The following NINL variants were observed in gnomAD, a reference collection of about 807,000 sequenced individuals.
NINL encodes the protein ninein-like protein.
In NINL, 153 loss-of-function variants were observed where a neutral mutation model predicts 160.3. That is an observed-to-expected ratio of 0.95 (90% CI 0.84 to 1.09). The LOEUF is 1.09. NINL is among the 50% of genes least tolerant of loss of function. The pLI is 0.00. For missense variants in NINL, 1,829 were observed against 1,764.0 expected, an observed-to-expected ratio of 1.04 and a Z score of -0.66; for synonymous variants, 800 against 734.8, an observed-to-expected ratio of 1.09 and a Z score of -1.43.
intron 2 of NINL, among the ~76,000 whole-genome samples, chr20:25,522,207 C>T (rs1423144179): frequency 7.9e-5 from 12 of 152,218 alleles, no homozygotes; most frequent in Non-Finnish European, 2.9e-5. Flanking sequence ...CATGCCAAGC[C>T]TATCGCAGAT....
In NINL at chr20:25,476,074, C is replaced by A; in HGVS notation, c.3217G>T (p.Glu1073Ter). The A allele has an allele frequency of 6.2e-7, 1 of 1,613,746 alleles. No individual in the cohort carries two copies. The highest frequency in any genetic ancestry group is 8.5e-7 in the Non-Finnish European group (1 of 1,179,656). Reference protein sequence around the residue: ...LHLEDVVRALEKHVDLRENDR... With the variant: ...LHLEDVVRAL ...TTCTCTCTCAAATCTACATGTTTCTCCAGAGCCCGGACGACGTCTTCCAGA... is the reference window on the plus strand; with the variant it reads ...TTCTCTCTCAAATCTACATGTTTCTACAGAGCCCGGACGACGTCTTCCAGA... The change falls in exon 17 of 24, where the codon GAG (glutamate) becomes TAG (stop). Residue 1073 changes from glutamate (E) to a stop codon, truncating the protein, a stop_gained. Transcript: ENST00000278886. LOFTEE classifies it high-confidence loss of function.
chr20:25,544,549 A>G (rs1248100360), intron 1 of NINL, among the ~76,000 whole-genome samples: 1 of 152,204 alleles, frequency 6.6e-6, no homozygotes, highest in African/African-American at 2.4e-5. Context: ...GAATCTTTGG[A>G]AACTTCAGAG....
At chr20:25,555,351 T>C (rs1390998573) in intron 1 of NINL, among the ~76,000 whole-genome samples, 1 of 152,214 alleles carries the variant, frequency 6.6e-6, no homozygotes, top group South Asian at 2.1e-4. Context: ...ACAATTTTGA[T>C]GGATATAGCC....
intron 1 of NINL, among the ~76,000 whole-genome samples, chr20:25,567,398 G>A (rs1243451276): frequency 6.6e-6 from 1 of 152,148 alleles, no homozygotes; most frequent in Non-Finnish European, 1.5e-5. Context: ...CACAGACTCA[G>A]GAAGCTCAGA....
chr20:25,501,761 T>C (rs1054386114), intron 7 of NINL, among the ~76,000 whole-genome samples: 3 of 152,146 alleles, frequency 2.0e-5, no homozygotes, highest in Non-Finnish European at 4.4e-5. Context: ...GCCTCCCAAG[T>C]AGCTGGGACC....
intron 1 of NINL, among the ~76,000 whole-genome samples, chr20:25,578,789 T>A (rs1481748069): frequency 1.2e-4 from 6 of 48,444 alleles, no homozygotes; most frequent in African/African-American, 3.7e-4. Flanking sequence ...CGAGACTCCA[T>A]CTCCAAAAAA....
chr20:25,563,583 CA>C (rs34442317), intron 1 of NINL, among the ~76,000 whole-genome samples: 19,037 of 152,078 alleles, frequency 0.13, 1,245 homozygotes, highest in African/African-American at 0.15. Context: ...CTAAACACAC[CA>C]ATTAAAGAGA....
intron 1 of NINL, among the ~76,000 whole-genome samples, chr20:25,552,461 A>T (rs2147099896): frequency 6.6e-6 from 1 of 152,382 alleles, no homozygotes; most frequent in Non-Finnish European, 1.5e-5. Context: ...TACTAAAAAA[A>T]ATAAAAGGTA....
In NINL at chr20:25,453,245, C is replaced by T. The variant is rs553925104; in HGVS notation, c.*206G>A. On this transcript the variant is annotated 3_prime_UTR_variant, in exon 24 of 24. Transcript: ENST00000278886. Reference sequence around the variant, plus strand: ...TACTCAGGACCGCTAATAAAAACGCCGGCTTCTGCAACATGCATATTCCCC... The same window carrying T: ...TACTCAGGACCGCTAATAAAAACGCTGGCTTCTGCAACATGCATATTCCCC... 8 of 447,362 alleles carry T rather than the reference C, an allele frequency of 1.8e-5. No individual in the cohort carries two copies. Among genetic ancestry groups the T allele is most frequent in the Admixed American group, 8.1e-5 (2 of 24,548 alleles). The allele number at this position is 447,362 out of a possible 1,614,324, so 27.7% of individuals were successfully genotyped here. A position where few individuals can be genotyped will look rare whatever the true frequency, so the allele number is the denominator to read the frequency against.
chr20:25,494,317 A>G (rs2063704146), intron 10 of NINL, among the ~76,000 whole-genome samples: 1 of 151,468 alleles, frequency 6.6e-6, no homozygotes, highest in South Asian at 2.1e-4. Flanking sequence ...GGCCCCAAGC[A>G]TGCTCAAAGC....
intron 8 of NINL, chr20:25,498,904 A>G: frequency 1.0e-6 from 1 of 984,766 alleles, no homozygotes; most frequent in Non-Finnish European, 1.2e-6. Flanking sequence ...AGCACAGAAC[A>G]GCCGGCATTT....
intron 17 of NINL, among the ~76,000 whole-genome samples, 160 bp from the exon 18 acceptor site, chr20:25,470,255 T>G (rs1211844422): frequency 6.6e-6 from 1 of 152,128 alleles, no homozygotes; most frequent in African/African-American, 2.4e-5. Flanking sequence ...CTGCACCAGG[T>G]GTTAACGTCT....
chr20:25,472,087 C>A (rs2063107624), intron 17 of NINL, among the ~76,000 whole-genome samples: 2 of 151,926 alleles, frequency 1.3e-5, no homozygotes, highest in African/African-American at 4.8e-5. Flanking sequence ...CAGGACCAAA[C>A]AGAATTTTTA....
At chr20:25,574,935 C>G (rs180853828) in intron 1 of NINL, among the ~76,000 whole-genome samples, 1 of 151,790 alleles carries the variant, frequency 6.6e-6, no homozygotes, top group East Asian at 1.9e-4. Flanking sequence ...CAAATGATGA[C>G]GAAAAACTGC....
At chr20:25,489,168 G>T in intron 13 of NINL, 76 bp downstream of exon 13, 1 of 1,365,366 alleles carries the variant, frequency 7.3e-7, no homozygotes, top group Non-Finnish European at 1.0e-6. Flanking sequence ...ACACTCCTGC[G>T]TTACTGTGGA....
intron 5 of NINL, among the ~76,000 whole-genome samples, chr20:25,509,893 G>A (rs2064036111): frequency 6.6e-6 from 1 of 152,226 alleles, no homozygotes; most frequent in African/African-American, 2.4e-5. Flanking sequence ...CCTTCCCAGA[G>A]CCTTTGTTCC....
At chr20:25,551,647 G>A (rs936437054) in intron 1 of NINL, among the ~76,000 whole-genome samples, 1 of 152,114 alleles carries the variant, frequency 6.6e-6, no homozygotes, top group African/African-American at 2.4e-5. Flanking sequence ...AAGGGTGGGG[G>A]CAGGGAGGCA....
chr20:25,543,032 T>A (rs2064688372), intron 1 of NINL, among the ~76,000 whole-genome samples: 1 of 92,910 alleles, frequency 1.1e-5, no homozygotes, highest in Non-Finnish European at 2.1e-5. Context: ...AGAGCAAGAC[T>A]CCGTCTTCAA....
Position 25,476,207 on chromosome 20 carries a change from G to C in NINL, c.3084C>G (p.Leu1028=). The C allele has an allele frequency of 4.3e-6, 7 of 1,614,128 alleles. No homozygotes were observed. Among genetic ancestry groups the C allele is most frequent in the Non-Finnish European group, 5.9e-6 (7 of 1,180,030 alleles). ...CCTGCCAGGAACCCTGCGGGTCTGC[G>C]AGCTGGAGGTGGGATGGCAAGGACC... is the stretch of plus-strand genomic sequence containing the variant. The part of the protein sequence containing the change: ...RRGSLPSHLQ[L]ADPQGSWQEQ... The change falls in exon 17 of 24, where the codon CTC becomes CTG. Residue 1028 remains leucine (L), a synonymous_variant. Coordinates refer to ENST00000278886, the MANE Select transcript of NINL (RefSeq NM_025176.6).
Sources: allele counts gnomAD v4.1 joint callset (sites outside exome capture counted in the v4.1 genomes callset), GRCh38; gene constraint gnomAD v4.1.1; transcripts MANE v1.5; gene names NCBI Gene and HGNC (gene_info 2026-07-23, HGNC 2026-07-21).